The following EMILIN2 variants were observed in gnomAD, a reference collection of about 807,000 sequenced individuals.
The protein encoded by EMILIN2 is EMILIN-2.
A neutral mutation model predicts 87.1 loss-of-function variants in EMILIN2; 71 were observed. The observed-to-expected ratio is 0.82, with a 90% CI of 0.67 to 0.99. The LOEUF (loss-of-function observed/expected upper bound fraction) is 0.99, where lower values mean the gene tolerates loss of function less well. Among genes scored for constraint, EMILIN2 ranks in the 50% least tolerant of loss-of-function variants. The pLI, the probability that EMILIN2 is intolerant of heterozygous loss-of-function variation, is 0.00. For synonymous variants in EMILIN2, 581 were observed against 563.4 expected, an observed-to-expected ratio of 1.03 and a Z score of -0.44; for missense variants, 1,407 against 1,371.8, an observed-to-expected ratio of 1.03 and a Z score of -0.40.
At chr18:2,850,754 C>T (rs2076597665) in intron 2 of EMILIN2, among the ~76,000 whole-genome samples, 1 of 151,932 alleles carries the variant, frequency 6.6e-6, no homozygotes, top group Non-Finnish European at 1.5e-5. Flanking sequence ...TTGAGAGTGA[C>T]GGACAGGTTG....
chr18:2,906,716 C>T, intron 4 of EMILIN2, 67 bp from the exon 5 acceptor site: 1 of 1,171,380 alleles, frequency 8.5e-7, no homozygotes, highest in Non-Finnish European at 1.1e-6. Context: ...TGGAGGGGAC[C>T]CTGACGGGGC....
In EMILIN2 at chr18:2,847,454, C is replaced by A; in HGVS notation, c.134+132C>A. On this transcript the variant is annotated intron_variant, in intron 1 of 7. Coordinates refer to ENST00000254528, the MANE Select transcript of EMILIN2 (RefSeq NM_032048.3). The surrounding 1 kb of genome is among the most constrained non-coding windows in gnomAD (Gnocchi z 4.5). ...CCCTTGGACTTCCCCGGGCGGCTCC[C>A]TCTGCGGGGGACCGCGCGCTCCGCA... The A allele has an allele frequency of 1.8e-6, 2 of 1,086,512 alleles. No homozygotes were observed. The highest frequency in any genetic ancestry group is 4.3e-5 in the Admixed American group (1 of 23,342). 67.3% of individuals were successfully genotyped at this position (1,086,512 alleles called of 1,614,324 possible).
chr18:2,908,844 C>T (rs1444534484), intron 5 of EMILIN2, 99 bp from the exon 6 acceptor site: 26 of 1,417,484 alleles, frequency 1.8e-5, no homozygotes, highest in South Asian at 4.6e-5. Flanking sequence ...AGTGAAGACT[C>T]GATTTGAACT....
chr18:2,858,549 A>ATGTG (rs1343405991), intron 2 of EMILIN2, among the ~76,000 whole-genome samples: 3 of 44,178 alleles, frequency 6.8e-5, no homozygotes, highest in East Asian at 3.1e-3. Flanking sequence ...ATATATATAT[A>ATGTG]TATATATATA....
chr18:2,888,715 A>C (rs2076815726), intron 3 of EMILIN2, among the ~76,000 whole-genome samples: 1 of 98,528 alleles, frequency 1.0e-5, no homozygotes, highest in Admixed American at 9.0e-5. Flanking sequence ...ATTCTGTCTC[A>C]AAAAAAAAAA....
At chr18:2,868,325 A>G (rs899842189) in intron 2 of EMILIN2, among the ~76,000 whole-genome samples, 4 of 150,720 alleles carry the variant, frequency 2.7e-5, no homozygotes, top group Admixed American at 2.6e-4. Flanking sequence ...CTGGGCAGCC[A>G]GGCAGAGGGG....
Position 2,847,668 on chromosome 18 carries a change from C to T in EMILIN2, c.135-141C>T. 2 of 1,355,610 alleles carry T rather than the reference C, an allele frequency of 1.5e-6. No individual in the cohort carries two copies. Among genetic ancestry groups the T allele is most frequent in the South Asian group, 1.5e-5 (1 of 66,298 alleles). 84.0% of individuals were successfully genotyped at this position (1,355,610 alleles called of 1,614,324 possible). On this transcript the variant is annotated intron_variant, in intron 1 of 7. Coordinates refer to ENST00000254528, the MANE Select transcript of EMILIN2 (RefSeq NM_032048.3). This position sits in a 1 kb window ranked among gnomAD's most constrained non-coding sequence, Gnocchi z 4.5. The stretch of plus-strand genomic sequence containing the variant: ...GCACCCGGGCACCCTCCGGCGTCTG[C>T]TCGGTGAAGCTCCCGCCTCCGCAGA...
At chr18:2,907,675 C>T (rs2076921388) in intron 5 of EMILIN2, among the ~76,000 whole-genome samples, 1 of 152,194 alleles carries the variant, frequency 6.6e-6, no homozygotes, top group Non-Finnish European at 1.5e-5. Context: ...AGAGTAGAGA[C>T]AGGAGAAGGA....
At chr18:2,846,977 G>C, upstream of EMILIN2, 2 of 1,004,860 alleles carry the variant, frequency 2.0e-6, no homozygotes, top group Non-Finnish European at 2.4e-6. This position sits in a 1 kb window ranked among gnomAD's most constrained non-coding sequence, Gnocchi z 5.3. Context: ...TTGAGGGACC[G>C]GGGAGAAGCG....
Position 2,913,630 on chromosome 18 carries a change from CTGGA to C in EMILIN2, c.*227_*230del. The C allele has an allele frequency of 1.9e-6, 1 of 515,646 alleles. No individual in the cohort carries two copies. The highest frequency in any genetic ancestry group is 2.6e-5 in the South Asian group (1 of 38,154). 31.9% of individuals were successfully genotyped at this position (515,646 alleles called of 1,614,324 possible). On this transcript the variant is annotated 3_prime_UTR_variant, in exon 8 of 8. Transcript: ENST00000254528. ...GCCACTGACTTTTCTGCCACTCTAA[CTGGA>C]CAACTGGAAGACTTGGAAAGGCCTC...
chr18:2,873,515 G>T (rs533552377), intron 2 of EMILIN2, among the ~76,000 whole-genome samples: 1 of 151,940 alleles, frequency 6.6e-6, no homozygotes, highest in South Asian at 2.1e-4. Context: ...AGACCATCCT[G>T]GCTAACACGG....
intron 6 of EMILIN2, among the ~76,000 whole-genome samples, chr18:2,909,399 C>A (rs2076930165): frequency 6.6e-6 from 1 of 152,218 alleles, no homozygotes; most frequent in Admixed American, 6.5e-5. Context: ...AGTGTGTGCA[C>A]ACACTCACAC....
intron 3 of EMILIN2, among the ~76,000 whole-genome samples, chr18:2,885,505 G>T (rs117143773): frequency 3.9e-5 from 6 of 152,042 alleles, no homozygotes; most frequent in Non-Finnish European, 7.4e-5. Flanking sequence ...AATTTAGGGG[G>T]GTTAAAATTG....
Position 2,909,948 on chromosome 18 carries a change from C to T in EMILIN2, c.2824+129C>T, listed in dbSNP as rs1250846027. On this transcript the variant is annotated intron_variant, in intron 7 of 7. Transcript: ENST00000254528. Reference sequence around the variant, plus strand: ...GGAGGACGCCACCCTGGAGCAGATGCCCGAGTGGGCCTGCACTCCTCTGCC... The same window carrying T: ...GGAGGACGCCACCCTGGAGCAGATGTCCGAGTGGGCCTGCACTCCTCTGCC... The T allele has an allele frequency of 3.2e-6, 4 of 1,264,564 alleles. No homozygotes were observed. The African/African-American group carries it at 4.5e-5, about 14-fold the overall frequency. The allele number at this position is 1,264,564 out of a possible 1,614,324, so 78.3% of individuals were successfully genotyped here. A position where few individuals can be genotyped will look rare whatever the true frequency, so the allele number is the denominator to read the frequency against.
intron 5 of EMILIN2, among the ~76,000 whole-genome samples, chr18:2,908,502 T>C (rs2076925573): frequency 6.6e-6 from 1 of 152,028 alleles, no homozygotes; most frequent in Non-Finnish European, 1.5e-5. Flanking sequence ...CACTCATCCA[T>C]CTATTTGTCC....
chr18:2,850,806 T>C (rs796243476), intron 2 of EMILIN2, among the ~76,000 whole-genome samples: 48 of 152,054 alleles, frequency 3.2e-4, no homozygotes, highest in African/African-American at 1.1e-3. Flanking sequence ...AGCTGAGTTC[T>C]TAGGGACAGT....
intron 2 of EMILIN2, among the ~76,000 whole-genome samples, chr18:2,866,251 T>A (rs930866486): frequency 1.3e-5 from 2 of 152,202 alleles, no homozygotes; most frequent in African/African-American, 2.4e-5. Context: ...GATACCTCAG[T>A]TGGAAATGCA....
In EMILIN2 at chr18:2,894,576, G is replaced by T. The variant is rs1360859733; in HGVS notation, c.2359+2090G>T. ...TCCAGTTGATTTGGAACTCCCTGGTGGCGTGGGAAGCTGTGTTAACATTTT... is the reference window on the plus strand; with the variant it reads ...TCCAGTTGATTTGGAACTCCCTGGTTGCGTGGGAAGCTGTGTTAACATTTT... On this transcript the variant is annotated intron_variant, in intron 4 of 7. Transcript: ENST00000254528. The surrounding 1 kb of genome is among the most constrained non-coding windows in gnomAD (Gnocchi z 5.0). 6.6e-6 allele frequency among the ~76,000 whole-genome samples: 1 copy of T among 152,212 alleles called. No individual in the cohort carries two copies. The highest frequency in any genetic ancestry group is 1.5e-5 in the Non-Finnish European group (1 of 68,038).
In EMILIN2 at chr18:2,894,257, G is replaced by A. The variant is rs115747147; in HGVS notation, c.2359+1771G>A. ...CAGCTCAGGAGGGTGGAGAGGGTCC[G>A]AGGTAGGTGGGAAAATGCCCTGGAT... On this transcript the variant is annotated intron_variant, in intron 4 of 7. Coordinates refer to ENST00000254528, the MANE Select transcript of EMILIN2 (RefSeq NM_032048.3). This position sits in a 1 kb window ranked among gnomAD's most constrained non-coding sequence, Gnocchi z 5.0. Among the ~76,000 whole-genome samples the A allele has an allele frequency of 9.2e-3, 1,401 of 152,246 alleles. 18 individuals are homozygous for A. The highest frequency in any genetic ancestry group is 0.033 in the African/African-American group (1,351 of 41,548).
Sources: allele counts gnomAD v4.1 joint callset (sites outside exome capture counted in the v4.1 genomes callset), GRCh38; gene constraint gnomAD v4.1.1; non-coding constraint Gnocchi (gnomAD v3.1); transcripts MANE v1.5; gene names NCBI Gene and HGNC (gene_info 2026-07-23, HGNC 2026-07-21).